COMMD1: variants seen among roughly 807,000 people sequenced by gnomAD.
COMMD1 encodes copper metabolism domain containing 1, also known as COMM domain-containing protein 1.
COMMD1 carries 10 observed loss-of-function variants against 17.2 expected under a neutral mutation model. The observed-to-expected ratio is 0.58, with a 90% CI of 0.36 to 0.99. COMMD1 has a LOEUF of 0.99. COMMD1 is among the 50% of genes least tolerant of loss of function. The pLI is 0.01. For missense variants in COMMD1, 270 were observed against 231.8 expected, an observed-to-expected ratio of 1.17 and a Z score of -1.07; for synonymous variants, 97 against 91.6, an observed-to-expected ratio of 1.06 and a Z score of -0.34.
intron 2 of COMMD1, among the ~76,000 whole-genome samples, chr2:62,028,243 T>G (rs1453482147): frequency 1.3e-5 from 2 of 152,192 alleles, no homozygotes; most frequent in Non-Finnish European, 2.9e-5. Context: ...AGCTTCTGCA[T>G]AGGTTTGCAG....
At chr2:62,027,901 C>T (rs549726216) in intron 2 of COMMD1, among the ~76,000 whole-genome samples, 2 of 152,228 alleles carry the variant, frequency 1.3e-5, no homozygotes, top group East Asian at 3.9e-4. Flanking sequence ...GATCTGCCCA[C>T]CTTGACCTCC....
intron 1 of COMMD1, among the ~76,000 whole-genome samples, chr2:61,995,171 A>C (rs76897755): frequency 3.9e-5 from 6 of 151,976 alleles, no homozygotes; most frequent in African/African-American, 1.4e-4. Flanking sequence ...GTCATTGTCA[A>C]CCTCCAGGGC....
At chr2:61,944,410 C>T (rs1374589605) in intron 1 of COMMD1, among the ~76,000 whole-genome samples, 1 of 151,658 alleles carries the variant, frequency 6.6e-6, no homozygotes, top group Non-Finnish European at 1.5e-5. Flanking sequence ...ATGATGGTGT[C>T]AGAGGACTCC....
rs183802557 is a variant in COMMD1 at position 61,894,843 on chromosome 2, C to T, written n.119+6001C>T. ...ACTCCCAAGTAGCTGGGATTACAGGCATGCACCACCACGCCCAGCTAATTT... is the reference window on the plus strand; with the variant it reads ...ACTCCCAAGTAGCTGGGATTACAGGTATGCACCACCACGCCCAGCTAATTT... On this transcript the variant is annotated intron_variant and non_coding_transcript_variant, in intron 1 of 2. Coordinates refer to the COMMD1 transcript ENST00000472729. Among the ~76,000 whole-genome samples the T allele has an allele frequency of 2.5e-3, 381 of 152,036 alleles. 1 individual carries two copies. Among genetic ancestry groups the T allele is most frequent in the Non-Finnish European group, 4.3e-3 (292 of 67,960 alleles).
In COMMD1 at chr2:62,006,299, A is replaced by G. The variant is rs534613351; in HGVS notation, c.462+5317A>G. On this transcript the variant is annotated intron_variant, in intron 2 of 2. Transcript: ENST00000311832. Reference sequence around the variant, plus strand: ...CAGCATGGCACGTGTATATATATGTAACTAACCTACACATTGTGCACATGT... The same window carrying G: ...CAGCATGGCACGTGTATATATATGTGACTAACCTACACATTGTGCACATGT... Among the ~76,000 whole-genome samples, 25 of 151,994 alleles carry G rather than the reference A, an allele frequency of 1.6e-4. No homozygotes were observed. In the East Asian group the frequency reaches 4.8e-3, roughly 29 times the overall value.
At chr2:62,130,907 G>C (rs1377210374) in intron 2 of COMMD1, among the ~76,000 whole-genome samples, 1 of 152,154 alleles carries the variant, frequency 6.6e-6, no homozygotes, top group Admixed American at 6.5e-5. Flanking sequence ...AATCAATTAT[G>C]CTCTCTAACC....
chr2:62,041,815 C>T (rs1189336183), intron 2 of COMMD1, among the ~76,000 whole-genome samples: 7 of 152,262 alleles, frequency 4.6e-5, no homozygotes, highest in Non-Finnish European at 8.8e-5. Flanking sequence ...CCGGTGGGTT[C>T]GTGGTCTCGC....
intron 1 of COMMD1, among the ~76,000 whole-genome samples, chr2:61,929,539 G>A (rs1670411119): frequency 6.6e-6 from 1 of 152,052 alleles, no homozygotes; most frequent in Non-Finnish European, 1.5e-5. Context: ...ATTTCTCCAC[G>A]ACTCTCCTCT....
At chr2:61,927,839 A>G (rs745663639) in intron 1 of COMMD1, among the ~76,000 whole-genome samples, 8 of 151,920 alleles carry the variant, frequency 5.3e-5, no homozygotes, top group Non-Finnish European at 1.0e-4. Flanking sequence ...GCAATGGCTC[A>G]CTGCAACTTC....
chr2:61,918,030 A>G (rs923076612), intron 1 of COMMD1, among the ~76,000 whole-genome samples: 1 of 152,124 alleles, frequency 6.6e-6, no homozygotes, highest in Non-Finnish European at 1.5e-5. Flanking sequence ...CTGTTTTTCT[A>G]CTGTAGGTGG....
chr2:61,941,698 A>G (rs1670752649), intron 1 of COMMD1, among the ~76,000 whole-genome samples: 1 of 152,186 alleles, frequency 6.6e-6, no homozygotes, highest in Non-Finnish European at 1.5e-5. Flanking sequence ...ACATACATTC[A>G]TCAGTGATTG....
chr2:61,903,587 T>C (rs1669703799), upstream of COMMD1, among the ~76,000 whole-genome samples: 1 of 151,902 alleles, frequency 6.6e-6, no homozygotes, highest in Non-Finnish European at 1.5e-5. Context: ...AGTTTTGCTC[T>C]TGTCCCCAAG....
At chr2:62,062,286 G>T (rs1194464124) in intron 2 of COMMD1, among the ~76,000 whole-genome samples, 1 of 151,588 alleles carries the variant, frequency 6.6e-6, no homozygotes, top group Non-Finnish European at 1.5e-5. Flanking sequence ...GAGTGCAGTG[G>T]CATGATCTCA....
At chr2:61,983,782 A>G (rs1672023632) in intron 1 of COMMD1, among the ~76,000 whole-genome samples, 1 of 152,174 alleles carries the variant, frequency 6.6e-6, no homozygotes, top group Admixed American at 6.5e-5. Context: ...TCAAAAAACC[A>G]ACTGCATTTT....
chr2:62,101,445 C>CA (rs924784401), intron 2 of COMMD1, among the ~76,000 whole-genome samples: 1 of 152,054 alleles, frequency 6.6e-6, no homozygotes, highest in Non-Finnish European at 1.5e-5. Context: ...CCCATCTCTA[C>CA]AAAAAATTTA....
intron 2 of COMMD1, among the ~76,000 whole-genome samples, chr2:62,029,812 T>C (rs1474899179): frequency 6.6e-6 from 1 of 152,248 alleles, no homozygotes; most frequent in Non-Finnish European, 1.5e-5. Flanking sequence ...TGTAGAAGAC[T>C]GTCCTGTGCC....
intron 2 of COMMD1, among the ~76,000 whole-genome samples, chr2:62,016,510 C>CTTT (rs762996597): frequency 1.5e-5 from 2 of 132,206 alleles, no homozygotes. Context: ...AACCCAGCCT[C>CTTT]TTTTTTTTTT....
chr2:62,071,497 T>G (rs745402583), intron 2 of COMMD1, among the ~76,000 whole-genome samples: 3 of 152,158 alleles, frequency 2.0e-5, no homozygotes, highest in Admixed American at 1.3e-4. Flanking sequence ...GAATGCAGCC[T>G]GGTAGGTCTC....
At chr2:61,911,000 T>C (rs1306200474) in intron 1 of COMMD1, among the ~76,000 whole-genome samples, 1 of 151,806 alleles carries the variant, frequency 6.6e-6, no homozygotes, top group East Asian at 1.9e-4. Flanking sequence ...GGAGAATCAC[T>C]TGAACCCGGG....
Sources: gnomAD v4.1 joint callset for allele counts (sites outside exome capture counted in the v4.1 genomes callset) on GRCh38, gnomAD v4.1.1 for gene constraint, MANE v1.5 for transcripts, NCBI Gene and HGNC (gene_info 2026-07-23, HGNC 2026-07-21) for gene names.